Variants in TMEM232 observed in about 807,000 individuals in gnomAD.
TMEM232 encodes the protein transmembrane protein 232.
A neutral mutation model predicts 78.8 loss-of-function variants in TMEM232; 80 were observed. The observed-to-expected ratio is 1.01, with a 90% CI of 0.85 to 1.22. The LOEUF is 1.22. Ranked by LOEUF, TMEM232 falls within the 50% of genes most tolerant of loss-of-function variation. TMEM232 has a pLI of 0.00. For synonymous variants in TMEM232, 297 were observed against 254.3 expected (o/e 1.17, Z -1.60); for missense variants, 881 against 742.2 (o/e 1.19, Z -2.17).
chr5:110,409,781 T>G (rs969801054), intron 2 of TMEM232, among the ~76,000 whole-genome samples: 1 of 152,164 alleles, frequency 6.6e-6, no homozygotes, highest in Non-Finnish European at 1.5e-5. Flanking sequence ...TGGAATCATT[T>G]TTTTGTGCAC....
chr5:110,569,126 G>A (rs952342128), intron 10 of TMEM232, among the ~76,000 whole-genome samples: 1 of 151,762 alleles, frequency 6.6e-6, no homozygotes, highest in Non-Finnish European at 1.5e-5. Context: ...TAATTATAAG[G>A]TGAAAAATTC....
intron 5 of TMEM232, among the ~76,000 whole-genome samples, chr5:110,634,363 G>A (rs1057007616): frequency 7.9e-5 from 12 of 152,068 alleles, no homozygotes; most frequent in African/African-American, 2.9e-4. Context: ...GATATTCACA[G>A]AATATTTTTC....
Position 110,528,699 on chromosome 5 carries a change from A to C in TMEM232, c.1592T>G (p.Ile531Ser). ...CTTCAAAGGAAGAAAATGGGCCTCA[A>C]TGGGGGGAAAGAATAGTTTGGAAAG... ...NTLSKLFFPP[I>S]EAHFLPLKKP... is the part of the protein sequence containing the mutation. Residue 531 changes from isoleucine to serine, a missense_variant, in exon 12 of 14, where the codon ATT becomes AGT. Ile to Ser is a moderately radical substitution (Grantham distance 142). Transcript: ENST00000455884. The C allele has an allele frequency of 6.5e-7, 1 of 1,535,178 alleles. No individual in the cohort carries two copies. Among genetic ancestry groups the C allele is most frequent in the South Asian group, 1.2e-5 (1 of 83,936 alleles).
intron 12 of TMEM232, among the ~76,000 whole-genome samples, chr5:110,432,448 C>T (rs777794971): frequency 2.0e-5 from 3 of 151,564 alleles, no homozygotes; most frequent in Non-Finnish European, 3.0e-5. Context: ...GAATTCATCA[C>T]ATCTTAACTG....
intron 1 of TMEM232, among the ~76,000 whole-genome samples, chr5:110,701,046 A>G (rs1382577896): frequency 5.9e-5 from 9 of 151,958 alleles, no homozygotes. Context: ...CTTCCACACC[A>G]AAACATTTGA....
At chr5:110,710,206 C>T in intron 1 of TMEM232, among the ~76,000 whole-genome samples, 1 of 152,026 alleles carries the variant, frequency 6.6e-6, no homozygotes, top group East Asian at 1.9e-4. Flanking sequence ...CAAGATTGAA[C>T]CATGAAGAAA....
intron 12 of TMEM232, among the ~76,000 whole-genome samples, chr5:110,455,693 T>A (rs1760828123): frequency 6.6e-6 from 1 of 152,124 alleles, no homozygotes; most frequent in Non-Finnish European, 1.5e-5. Flanking sequence ...AGATATAAAC[T>A]TTTAAACAAA....
At chr5:110,522,861 T>C (rs889926655) in intron 12 of TMEM232, among the ~76,000 whole-genome samples, 1 of 152,142 alleles carries the variant, frequency 6.6e-6, no homozygotes, top group African/African-American at 2.4e-5. Context: ...ATAAAAGTTA[T>C]TGGTGTATAA....
intron 12 of TMEM232, among the ~76,000 whole-genome samples, chr5:110,492,336 T>C (rs147786286): frequency 6.6e-6 from 1 of 151,992 alleles, no homozygotes; most frequent in African/African-American, 2.4e-5. Flanking sequence ...AAACTGAATA[T>C]GGTAACAATT....
intron 11 of TMEM232, among the ~76,000 whole-genome samples, chr5:110,531,144 C>T (rs1390796881): frequency 6.6e-6 from 1 of 151,718 alleles, no homozygotes; most frequent in African/African-American, 2.4e-5. Flanking sequence ...ACCCTGTGAC[C>T]CCCACTTCTG....
intron 12 of TMEM232, among the ~76,000 whole-genome samples, chr5:110,478,731 A>G (rs1763530197): frequency 6.6e-6 from 1 of 151,774 alleles, no homozygotes. Context: ...TCATAAGGCA[A>G]TGTTTTGAGT....
chr5:110,649,711 G>C (rs114959763), intron 2 of TMEM232, among the ~76,000 whole-genome samples: 2,044 of 152,124 alleles, frequency 0.013, 57 homozygotes, highest in African/African-American at 0.046. Context: ...GAATCTTTTC[G>C]AGTATGAAGG....
At chr5:110,547,633 G>A (rs6861829) in intron 11 of TMEM232, among the ~76,000 whole-genome samples, 22,379 of 151,998 alleles carry the variant, frequency 0.15, 4,248 homozygotes, top group African/African-American at 0.44. Flanking sequence ...TTGGACACCT[G>A]AATTTATGTT....
chr5:110,594,785 T>G (rs961996724), intron 10 of TMEM232, among the ~76,000 whole-genome samples: 1 of 152,222 alleles, frequency 6.6e-6, no homozygotes, highest in Admixed American at 6.5e-5. Context: ...GCAGCCCCAG[T>G]CAGGGGCTTA....
chr5:110,698,367 A>C (rs1171629190), intron 1 of TMEM232, among the ~76,000 whole-genome samples: 2 of 152,054 alleles, frequency 1.3e-5, no homozygotes, highest in African/African-American at 4.8e-5. Flanking sequence ...ACACACCAAC[A>C]TGGCACATGT....
At chr5:110,685,800 T>A (rs1455354355) in intron 1 of TMEM232, among the ~76,000 whole-genome samples, 1 of 152,140 alleles carries the variant, frequency 6.6e-6, no homozygotes, top group Non-Finnish European at 1.5e-5. Context: ...ATAATAGGAT[T>A]ATTCTCAGTA....
At chr5:110,660,255 G>A (rs979494025) in intron 2 of TMEM232, among the ~76,000 whole-genome samples, 4 of 151,994 alleles carry the variant, frequency 2.6e-5, no homozygotes, top group Admixed American at 6.6e-5. Context: ...AATGAAAACT[G>A]TAAGAGAGTG....
chr5:110,442,448 C>T (rs569839506), intron 12 of TMEM232, among the ~76,000 whole-genome samples: 56 of 151,970 alleles, frequency 3.7e-4, no homozygotes, highest in Non-Finnish European at 6.6e-4. Flanking sequence ...TTGATCAACT[C>T]CAGAATCTCT....
chr5:110,477,705 A>G (rs1194186174), intron 12 of TMEM232, among the ~76,000 whole-genome samples: 1 of 151,868 alleles, frequency 6.6e-6, no homozygotes, highest in South Asian at 2.1e-4. Context: ...CTTACAAAAA[A>G]AAATTCATAA....
Sources: gnomAD v4.1 joint callset for allele counts (sites outside exome capture counted in the v4.1 genomes callset) on GRCh38, gnomAD v4.1.1 for gene constraint, MANE v1.5 for transcripts, NCBI Gene and HGNC (gene_info 2026-07-23, HGNC 2026-07-21) for gene names.